The following MYO15B variants were observed in gnomAD, a reference collection of about 807,000 sequenced individuals.
The protein encoded by MYO15B is myosin XVB.
In MYO15B, 207 loss-of-function variants were observed where a neutral mutation model predicts 119.3. That is an observed-to-expected ratio of 1.73 (90% CI 1.55 to 1.95). The LOEUF (loss-of-function observed/expected upper bound fraction) is 1.95, where lower values mean the gene tolerates loss of function less well. Ranked by LOEUF, MYO15B falls within the 30% of genes most tolerant of loss-of-function variation. MYO15B has a pLI of 0.00. For synonymous variants in MYO15B, 966 were observed against 498.9 expected (o/e 1.94, Z -12.48); for missense variants, 2,264 against 1,203.1 (o/e 1.88, Z -13.04).
chr17:75,623,942 C>A lies in MYO15B; in HGVS notation c.8157-7C>A. 1.4e-6 allele frequency: 1 copy of A among 702,964 alleles called. No homozygotes were observed. The highest frequency in any genetic ancestry group is 2.6e-6 in the Non-Finnish European group (1 of 384,990). The allele number at this position is 702,964 out of a possible 1,614,324, so 43.5% of individuals were successfully genotyped here. A position where few individuals can be genotyped will look rare whatever the true frequency, so the allele number is the denominator to read the frequency against. On this transcript the variant is annotated splice_polypyrimidine_tract_variant and splice_region_variant and intron_variant, in intron 54 of 63. Transcript: ENST00000645453. ...CCAGCCTGAAGCCCGAGCGCTCTGC[C>A]CTGCAGGGAACACTGCACTCGAGGC...
intron 53 of MYO15B, among the ~76,000 whole-genome samples, chr17:75,622,773 C>T (rs970917687): frequency 2.0e-5 from 3 of 152,048 alleles, no homozygotes; most frequent in South Asian, 2.1e-4. Flanking sequence ...ATGTGGGCTA[C>T]GGGAAGGAGG....
At chr17:75,591,490 G>T in intron 4 of MYO15B, 111 bp from the exon 5 acceptor site, 2 of 665,690 alleles carry the variant, frequency 3.0e-6, no homozygotes, top group South Asian at 3.2e-5. Context: ...CATTTATGGG[G>T]GTCTCTCCAG....
intron 14 of MYO15B, chr17:75,600,544 CTCAA>C (rs1235029565): frequency 2.9e-4 from 44 of 151,368 alleles, no homozygotes; most frequent in African/African-American, 1.0e-3. Context: ...AGCTCCCAGT[CTCAA>C]TCAGTCCTTC....
exon 63 of MYO15B, chr17:75,626,115 A>G (rs1175207403): frequency 1.4e-6 from 1 of 702,936 alleles, no homozygotes; most frequent in Non-Finnish European, 2.6e-6. Flanking sequence ...TGCCCTGAAG[A>G]GCCTGCAGCG....
chr17:75,621,339 C>T lies in MYO15B; in HGVS notation c.7872-6C>T, dbSNP rs1255828582. 4.3e-6 allele frequency: 3 copies of T among 697,564 alleles called. No homozygotes were observed. The highest frequency in any genetic ancestry group is 7.9e-6 in the Non-Finnish European group (3 of 381,050). The allele number at this position is 697,564 out of a possible 1,614,324, so 43.2% of individuals were successfully genotyped here. Reference sequence around the variant, plus strand: ...AAGCTGGGCTGTCTCCCTCTGCCCCCCACAGGCTGGGCCAGACTGATGGAG... The same window carrying T: ...AAGCTGGGCTGTCTCCCTCTGCCCCTCACAGGCTGGGCCAGACTGATGGAG... On this transcript the variant is annotated splice_region_variant and splice_polypyrimidine_tract_variant and intron_variant, in intron 50 of 63. Transcript: ENST00000645453.
intron 55 of MYO15B, 37 bp from the exon 56 acceptor site, chr17:75,624,138 A>C (rs73995929): frequency 0.011 from 7,683 of 702,696 alleles, 307 homozygotes; most frequent in African/African-American, 0.098. Flanking sequence ...TTGGGGAGAC[A>C]TGGCCATCTC....
chr17:75,604,147 G>A (rs2147876788), intron 19 of MYO15B, among the ~76,000 whole-genome samples: 1 of 152,214 alleles, frequency 6.6e-6, no homozygotes, highest in Middle Eastern at 3.4e-3. Context: ...GAAGCTCCAG[G>A]GCGGGGCACG....
Position 75,589,194 on chromosome 17 carries a change from G to A in MYO15B, c.1137G>A (p.Trp379Ter), listed in dbSNP as rs769226336. 173 of 329,502 alleles carry A rather than the reference G, an allele frequency of 5.3e-4. No individual in the cohort carries two copies. Among genetic ancestry groups the A allele is most frequent in the Middle Eastern group, 8.8e-4 (1 of 1,142 alleles). 20.4% of individuals were successfully genotyped at this position (329,502 alleles called of 1,614,324 possible). A position where few individuals can be genotyped will look rare whatever the true frequency, so the allele number is the denominator to read the frequency against. The stretch of plus-strand genomic sequence containing the variant: ...CGCGAGCCCTGGGCCTCCTGCGCTG[G>A]CTGCGGCGGCGGCTGCGGCTGCGGC... The change falls in exon 1 of 64, where the codon TGG becomes TGA. Residue 379 changes from tryptophan to a stop codon, truncating the protein, a stop_gained. Transcript: ENST00000645453. LOFTEE classifies it high-confidence loss of function. The surrounding 1 kb of genome is among the most constrained non-coding windows in gnomAD (Gnocchi z 4.2).
exon 1 of MYO15B, chr17:75,588,593 A>G (rs1327960340): frequency 7.5e-6 from 3 of 399,436 alleles, no homozygotes; most frequent in Non-Finnish European, 8.9e-6. Flanking sequence ...ACAGCCCGGG[A>G]GCTGCGGCCC....
chr17:75,603,657 G>C (rs1568151930), intron 19 of MYO15B, among the ~76,000 whole-genome samples: 1 of 151,872 alleles, frequency 6.6e-6, no homozygotes, highest in Non-Finnish European at 1.5e-5. Flanking sequence ...AGGGAGTGCA[G>C]GCTGAAGCAG....
exon 5 of MYO15B, chr17:75,591,703 A>G (rs936056): frequency 0.65 from 454,067 of 702,734 alleles, 148,218 homozygotes; most frequent in East Asian, 0.72. Context: ...CGGGGAACCG[A>G]GAGTGTCAGG....
intron 29 of MYO15B, chr17:75,613,998 C>T (rs2058199248): frequency 3.3e-6 from 2 of 599,214 alleles, no homozygotes; most frequent in Admixed American, 5.8e-5. Context: ...AAGAAATGCC[C>T]ATGCTGGAGC....
At chr17:75,599,893 CAAAAT>C (rs1309261103) in intron 14 of MYO15B, among the ~76,000 whole-genome samples, 2 of 63,530 alleles carry the variant, frequency 3.1e-5, no homozygotes, top group Non-Finnish European at 6.6e-5. Context: ...AGACTCGTCT[CAAAAT>C]AATAATAATA....
chr17:75,617,107 A>G (rs1330002617), exon 41 of MYO15B: 2 of 676,424 alleles, frequency 3.0e-6, no homozygotes, highest in Admixed American at 2.1e-5. Context: ...AGCCCAGGAA[A>G]GGGCCCCCCG....
At chr17:75,626,486 A>G in exon 64 of MYO15B, 1 of 703,190 alleles carries the variant, frequency 1.4e-6, no homozygotes, top group Non-Finnish European at 2.6e-6. Context: ...ATCAACTGAG[A>G]GGAGTGCAGG....
At position 75,596,455 on chromosome 17, in the gene MYO15B, C is replaced by T. The variant is rs1169044151; in HGVS notation, c.3298-5C>T. 1.4e-6 allele frequency: 1 copy of T among 703,036 alleles called. No homozygotes were observed. Among genetic ancestry groups the T allele is most frequent in the South Asian group, 1.5e-5 (1 of 67,600 alleles). 43.5% of individuals were successfully genotyped at this position (703,036 alleles called of 1,614,324 possible). On this transcript the variant is annotated splice_polypyrimidine_tract_variant and splice_region_variant and intron_variant, in intron 12 of 63. Transcript: ENST00000645453. ...TGTGCCCACCTCACTGCCACATGCC[C>T]CCAGGCCCTGCGGGTGAATGGCCTG...
At chr17:75,623,875 TCTG>T (rs10578377) in intron 54 of MYO15B, 21 bp downstream of exon 54, 12 of 1,006 alleles carry the variant, frequency 0.012, no homozygotes, top group African/African-American at 0.014. Flanking sequence ...ACCGGTGGCT[TCTG>T]GGGGTGGCTT....
At chr17:75,607,618 C>T (rs571737779) in intron 21 of MYO15B, among the ~76,000 whole-genome samples, 8 of 151,796 alleles carry the variant, frequency 5.3e-5, no homozygotes, top group African/African-American at 1.5e-4. Context: ...CCACCACGCC[C>T]GGCTAATTTT....
exon 56 of MYO15B, chr17:75,624,177 C>T (rs1400042552): frequency 1.4e-6 from 1 of 702,930 alleles, no homozygotes; most frequent in East Asian, 2.7e-5. Context: ...CTCTGCAGAG[C>T]TGGCCCGGAG....
Sources: gnomAD v4.1 joint callset for allele counts (sites outside exome capture counted in the v4.1 genomes callset) on GRCh38, gnomAD v4.1.1 for gene constraint, Gnocchi (gnomAD v3.1) non-coding constraint, MANE v1.5 for transcripts, NCBI Gene and HGNC (gene_info 2026-07-23, HGNC 2026-07-21) for gene names.